Variants in SORD observed in about 807,000 individuals in gnomAD.
SORD encodes the protein sorbitol dehydrogenase.
A neutral mutation model predicts 35.6 loss-of-function variants in SORD; 18 were observed. The ratio of observed to expected loss-of-function variants is 0.51; its 90% CI spans 0.35 to 0.75. SORD has a LOEUF of 0.75. SORD is among the 30% of genes least tolerant of loss of function. The pLI, the probability that SORD is intolerant of heterozygous loss-of-function variation, is 0.01. For missense variants in SORD, 250 were observed against 390.2 expected (o/e 0.64, Z 3.03); for synonymous variants, 106 against 152.9 (o/e 0.69, Z 2.26).
At chr15:45,035,935 C>T (rs1346516597) in intron 1 of SORD, among the ~76,000 whole-genome samples, 1 of 151,208 alleles carries the variant, frequency 6.6e-6, no homozygotes, top group African/African-American at 2.4e-5. Flanking sequence ...GAACAAACTC[C>T]GGACACGTCG....
Position 45,074,503 on chromosome 15 carries a change from G to GA in SORD, c.*977dup, listed in dbSNP as rs1404854156. 3 of 147,158 alleles carry GA rather than the reference G, an allele frequency of 2.0e-5. No homozygotes were observed. The highest frequency in any genetic ancestry group is 4.4e-5 in the Non-Finnish European group (3 of 67,590). The allele number at this position is 147,158 out of a possible 1,614,324, so 9.1% of individuals were successfully genotyped here. On this transcript the variant is annotated 3_prime_UTR_variant, in exon 9 of 9. Coordinates refer to ENST00000267814, the MANE Select transcript of SORD (RefSeq NM_003104.6). ...CATTTCTTTCTGGTTATTATAAACA[G>GA]AAAATCTTTCCTCTTCTCATTACCA...
At chr15:45,045,685 C>T (rs1595500441) in intron 3 of SORD, among the ~76,000 whole-genome samples, 1 of 151,936 alleles carries the variant, frequency 6.6e-6, no homozygotes, top group African/African-American at 2.4e-5. Flanking sequence ...GATAAACATG[C>T]ATAATCTTTA....
At chr15:45,060,147 G>T (rs182678129) in intron 3 of SORD, among the ~76,000 whole-genome samples, 1 of 152,184 alleles carries the variant, frequency 6.6e-6, no homozygotes, top group African/African-American at 2.4e-5. Flanking sequence ...GAAGTATACT[G>T]ATGTCTGCAG....
At chr15:45,049,002 C>T (rs1433042565) in intron 3 of SORD, among the ~76,000 whole-genome samples, 4 of 152,150 alleles carry the variant, frequency 2.6e-5, no homozygotes, top group African/African-American at 7.2e-5. Flanking sequence ...TTTAGGCAAG[C>T]CCCTGCCCAC....
intron 1 of SORD, among the ~76,000 whole-genome samples, chr15:45,039,376 C>A (rs920506221): frequency 2.6e-5 from 4 of 152,234 alleles, no homozygotes; most frequent in African/African-American, 9.6e-5. Context: ...GATCCGCCCG[C>A]ATCAGCCTCC....
intron 3 of SORD, among the ~76,000 whole-genome samples, chr15:45,057,355 A>C (rs1232349594): frequency 6.6e-6 from 1 of 152,218 alleles, no homozygotes; most frequent in Non-Finnish European, 1.5e-5. Flanking sequence ...GCTGTAAAAT[A>C]GTTAACAGGG....
intron 2 of SORD, chr15:45,042,376 CA>C (rs1892981030): frequency 6.6e-6 from 1 of 152,134 alleles, no homozygotes; most frequent in African/African-American, 2.4e-5. Flanking sequence ...CCTGTAATCC[CA>C]GCTACTTGGG....
intron 1 of SORD, among the ~76,000 whole-genome samples, chr15:45,037,802 G>T (rs376951064): frequency 6.6e-6 from 1 of 151,956 alleles, no homozygotes; most frequent in Admixed American, 6.6e-5. Flanking sequence ...GGCCTGTCAG[G>T]GGGTGGGGGA....
chr15:45,032,670 C>T (rs1472268681), intron 1 of SORD, among the ~76,000 whole-genome samples: 1 of 152,088 alleles, frequency 6.6e-6, no homozygotes, highest in Non-Finnish European at 1.5e-5. Flanking sequence ...TTGTTATCAG[C>T]AGAACAAAGT....
intron 3 of SORD, among the ~76,000 whole-genome samples, chr15:45,060,652 G>A (rs988837639): frequency 5.9e-5 from 9 of 152,138 alleles, no homozygotes; most frequent in African/African-American, 1.4e-4. Context: ...AAAAATGCCC[G>A]CAAACTCCAT....
chr15:45,032,792 G>T (rs1400394103), intron 1 of SORD, among the ~76,000 whole-genome samples: 1 of 152,140 alleles, frequency 6.6e-6, no homozygotes. Flanking sequence ...CTAGAACAAA[G>T]CCTCTCATGA....
intron 5 of SORD, among the ~76,000 whole-genome samples, chr15:45,066,666 C>T (rs1318641913): frequency 1.3e-5 from 2 of 152,274 alleles, no homozygotes; most frequent in South Asian, 2.1e-4. Context: ...TTCTGGTGAC[C>T]CAGACAGTAC....
chr15:45,025,132 G>T (rs1190088082), intron 1 of SORD, among the ~76,000 whole-genome samples: 1 of 152,230 alleles, frequency 6.6e-6, no homozygotes, highest in African/African-American at 2.4e-5. Context: ...TAGGGGCTAG[G>T]TTGGGGTGGC....
intron 3 of SORD, among the ~76,000 whole-genome samples, chr15:45,057,921 C>CA (rs1438828525): frequency 6.6e-6 from 1 of 152,256 alleles, no homozygotes; most frequent in African/African-American, 2.4e-5. Flanking sequence ...CATTGGGGGA[C>CA]AAAAAGGTCC....
At chr15:45,056,697 A>G (rs1893223108) in intron 3 of SORD, among the ~76,000 whole-genome samples, 1 of 152,218 alleles carries the variant, frequency 6.6e-6, no homozygotes. Context: ...GGGGATGTGG[A>G]ATTTTTATAC....
chr15:45,066,244 C>CAA lies in SORD; in HGVS notation c.544+873_544+874dup, dbSNP rs36027648. Among the ~76,000 whole-genome samples the CAA allele has an allele frequency of 3.5e-3, 243 of 68,872 alleles. 2 individuals carry two copies. Among genetic ancestry groups the CAA allele is most frequent in the Admixed American group, 5.4e-3 (31 of 5,732 alleles). The allele number at this position is 68,872 out of a possible 152,430, so 45.2% of individuals were successfully genotyped here. ...TAGGTGACAGAGCGAGATTCTGTCT[C>CAA]AAAAAAAAAAAAAAAAAAAGGAATT... On this transcript the variant is annotated intron_variant, in intron 5 of 8. Coordinates refer to ENST00000267814, the MANE Select transcript of SORD (RefSeq NM_003104.6).
intron 3 of SORD, among the ~76,000 whole-genome samples, chr15:45,057,484 T>C (rs1029318067): frequency 1.3e-5 from 2 of 152,208 alleles, no homozygotes; most frequent in Non-Finnish European, 2.9e-5. Flanking sequence ...AAAAGTTTTA[T>C]GAATAGAAAG....
intron 1 of SORD, among the ~76,000 whole-genome samples, chr15:45,031,290 A>G (rs937901515): frequency 4.6e-5 from 7 of 152,194 alleles, no homozygotes; most frequent in African/African-American, 1.7e-4. Flanking sequence ...CCTGGGCTAC[A>G]GAATGAGAAC....
chr15:45,070,370 C>T (rs1893490924), intron 7 of SORD: 2 of 152,186 alleles, frequency 1.3e-5, no homozygotes, highest in Admixed American at 6.5e-5. Flanking sequence ...AGCAGGAGGG[C>T]ACTTTGCATC....
Sources: allele counts gnomAD v4.1 joint callset (sites outside exome capture counted in the v4.1 genomes callset), GRCh38; gene constraint gnomAD v4.1.1; transcripts MANE v1.5; gene names NCBI Gene and HGNC (gene_info 2026-07-23, HGNC 2026-07-21).